The following TK2 variants were observed in gnomAD, a reference collection of about 807,000 sequenced individuals.
TK2 encodes the protein thymidine kinase 2, mitochondrial.
In TK2, 35 loss-of-function variants were observed where a neutral mutation model predicts 41.9. The observed-to-expected ratio is 0.84, with a 90% CI of 0.64 to 1.11. The LOEUF is 1.11. Among genes scored for constraint, TK2 ranks in the 50% least tolerant of loss-of-function variants. The probability of loss-of-function intolerance (pLI) is 0.00; values close to 1 mark genes in which losing one functional copy is unlikely to be tolerated. For synonymous variants in TK2, 128 were observed against 129.1 expected, an observed-to-expected ratio of 0.99 and a Z score of 0.06; for missense variants, 320 against 351.1, an observed-to-expected ratio of 0.91 and a Z score of 0.71.
At chr16:66,545,868 C>G (rs1965592414) in intron 2 of TK2, among the ~76,000 whole-genome samples, 1 of 151,674 alleles carries the variant, frequency 6.6e-6, no homozygotes, top group Non-Finnish European at 1.5e-5. Context: ...AAGCCAGATA[C>G]AAAAGATCCC....
chr16:66,539,286 C>T (rs1046756947), intron 3 of TK2, among the ~76,000 whole-genome samples: 1 of 151,966 alleles, frequency 6.6e-6, no homozygotes, highest in East Asian at 1.9e-4. Context: ...TGGATTACAC[C>T]GAAAGGACAC....
chr16:66,528,429 C>T (rs187328975), intron 6 of TK2, among the ~76,000 whole-genome samples: 1 of 152,328 alleles, frequency 6.6e-6, no homozygotes. Flanking sequence ...GCACACTGTG[C>T]GTCTGACTCG....
Position 66,517,255 on chromosome 16 carries a change from A to G in TK2, c.539-40T>C, listed in dbSNP as rs1964643210. 1.9e-6 allele frequency: 3 copies of G among 1,576,782 alleles called. No individual in the cohort carries two copies. The highest frequency in any genetic ancestry group is 1.3e-5 in the African/African-American group (1 of 74,290). On this transcript the variant is annotated intron_variant, in intron 7 of 9. Coordinates refer to ENST00000544898, the MANE Select transcript of TK2 (RefSeq NM_004614.5). This position sits in a 1 kb window ranked among gnomAD's most constrained non-coding sequence, Gnocchi z 4.3. ...ATACGTGGCTCTCAGGACTCTGCTC[A>G]TGGCTTGGAAGCAAAGCAGGCACAC...
In TK2 at chr16:66,517,755, G is replaced by T. The variant is rs371828929; in HGVS notation, c.538+34C>A. 6 of 1,601,688 alleles carry T rather than the reference G, an allele frequency of 3.7e-6. No individual in the cohort carries two copies. The highest frequency in any genetic ancestry group is 1.1e-5 in the South Asian group (1 of 90,804). On this transcript the variant is annotated intron_variant, in intron 7 of 9. Coordinates refer to ENST00000544898, the MANE Select transcript of TK2 (RefSeq NM_004614.5). This position sits in a 1 kb window ranked among gnomAD's most constrained non-coding sequence, Gnocchi z 4.3. Reference sequence around the variant, plus strand: ...ACATCCTCAAGGGACCCAGGAGAGAGACAAGAGAGGGAGGTGGGAGGGGTG... The same window carrying T: ...ACATCCTCAAGGGACCCAGGAGAGATACAAGAGAGGGAGGTGGGAGGGGTG...
In TK2 at chr16:66,517,058, TG is replaced by T; in HGVS notation, c.618+77del. 8.2e-7 allele frequency: 1 copy of T among 1,215,882 alleles called. No individual in the cohort carries two copies. Among genetic ancestry groups the T allele is most frequent in the Non-Finnish European group, 1.2e-6 (1 of 817,300 alleles). 75.3% of individuals were successfully genotyped at this position (1,215,882 alleles called of 1,614,324 possible). On this transcript the variant is annotated intron_variant, in intron 8 of 9. Transcript: ENST00000544898. The surrounding 1 kb of genome is among the most constrained non-coding windows in gnomAD (Gnocchi z 4.3). ...CAAGGGCACAATGATCTCATGGGGG[TG>T]GGGCCGGGAGAGGAAGCCGGGTTGG...
intron 6 of TK2, among the ~76,000 whole-genome samples, chr16:66,526,078 C>T (rs945003260): frequency 1.3e-5 from 2 of 152,000 alleles, no homozygotes; most frequent in East Asian, 3.9e-4. Context: ...TTACCAAAGC[C>T]CATGGCCATC....
At chr16:66,535,461 C>T (rs1170560229) in intron 4 of TK2, among the ~76,000 whole-genome samples, 2 of 152,116 alleles carry the variant, frequency 1.3e-5, no homozygotes, top group African/African-American at 4.8e-5. Context: ...TTGTTATATC[C>T]AAAGAAGATG....
rs1395459509 is a variant in TK2, at chr16:66,510,361, C to T, written c.*1607G>A. On this transcript the variant is annotated 3_prime_UTR_variant, in exon 10 of 10. Coordinates refer to ENST00000544898, the MANE Select transcript of TK2 (RefSeq NM_004614.5). The stretch of plus-strand genomic sequence containing the variant: ...TTCCTGGTAGCAAAGGTTCTGCCTT[C>T]GCCAGTTTTCCAGCTAATTAGCAGC... 6 of 152,224 alleles carry T rather than the reference C, an allele frequency of 3.9e-5. No individual in the cohort carries two copies. The highest frequency in any genetic ancestry group is 2.0e-4 in the Admixed American group (3 of 15,278). 9.4% of individuals were successfully genotyped at this position (152,224 alleles called of 1,614,324 possible).
In TK2 at chr16:66,517,135, C is replaced by T; in HGVS notation, c.618+1G>A. Reference sequence around the variant, plus strand: ...TTAACCAAGTCAAAGAGGCCTCTTACCAGCGGAATGACCTTCTCCTCTTCC... The same window carrying T: ...TTAACCAAGTCAAAGAGGCCTCTTATCAGCGGAATGACCTTCTCCTCTTCC... On this transcript the variant is annotated splice_donor_variant, in intron 8 of 9. Coordinates refer to ENST00000544898, the MANE Select transcript of TK2 (RefSeq NM_004614.5). LOFTEE classifies it high-confidence loss of function. The surrounding 1 kb of genome is among the most constrained non-coding windows in gnomAD (Gnocchi z 4.3). 5.6e-6 allele frequency: 9 copies of T among 1,614,066 alleles called. No homozygotes were observed. Among genetic ancestry groups the T allele is most frequent in the Non-Finnish European group, 7.6e-6 (9 of 1,179,964 alleles).
intron 3 of TK2, among the ~76,000 whole-genome samples, chr16:66,539,531 G>A (rs934860625): frequency 4.6e-5 from 7 of 150,728 alleles, no homozygotes; most frequent in African/African-American, 1.7e-4. Flanking sequence ...AACCCAGGAG[G>A]CGGAGGTTGC....
intron 4 of TK2, among the ~76,000 whole-genome samples, chr16:66,535,372 A>C (rs931193942): frequency 6.6e-6 from 1 of 152,202 alleles, no homozygotes; most frequent in Non-Finnish European, 1.5e-5. Flanking sequence ...TAACACCTGC[A>C]ACTCTAGCTG....
At chr16:66,544,115 C>T (rs959849803) in intron 2 of TK2, among the ~76,000 whole-genome samples, 38 of 152,244 alleles carry the variant, frequency 2.5e-4, no homozygotes, top group African/African-American at 8.9e-4. Context: ...CTCCCAGAAA[C>T]TTGTTCCTAT....
In TK2 at chr16:66,517,547, G is replaced by T. The variant is rs903770492; in HGVS notation, c.538+242C>A. 1.3e-5 allele frequency among the ~76,000 whole-genome samples: 2 copies of T among 152,204 alleles called. No individual in the cohort carries two copies. The highest frequency in any genetic ancestry group is 2.9e-5 in the Non-Finnish European group (2 of 68,038). ...ACCCATCAGATCACAGTGGATTTGG[G>T]TCTGAAAGTAGCTGAGCCAGGGAGG... On this transcript the variant is annotated intron_variant, in intron 7 of 9. Transcript: ENST00000544898. The surrounding 1 kb of genome is among the most constrained non-coding windows in gnomAD (Gnocchi z 4.3).
rs1213084609 is a variant in TK2 at position 66,549,188 on chromosome 16, C to A, written c.125-179G>T. ...GCACCACCGTCTCGCCGATGTGCCA[C>A]CCTGGGCTGCAGCTGCAGCTTCGTG... On this transcript the variant is annotated intron_variant, in intron 1 of 9. Coordinates refer to ENST00000544898, the MANE Select transcript of TK2 (RefSeq NM_004614.5). 5.5e-6 allele frequency: 8 copies of A among 1,464,072 alleles called. No individual in the cohort carries two copies. In the Admixed American group the frequency reaches 2.1e-4, roughly 39 times the overall value. 90.7% of individuals were successfully genotyped at this position (1,464,072 alleles called of 1,614,324 possible).
chr16:66,538,820 G>A (rs1965366472), intron 3 of TK2, among the ~76,000 whole-genome samples: 1 of 152,086 alleles, frequency 6.6e-6, no homozygotes, highest in African/African-American at 2.4e-5. Context: ...AAAGCTCTTC[G>A]TACCACAGAA....
chr16:66,537,032 A>G lies in TK2; in HGVS notation c.232-15T>C. The G allele has an allele frequency of 6.2e-7, 1 of 1,614,056 alleles. No homozygotes were observed. The highest frequency in any genetic ancestry group is 8.5e-7 in the Non-Finnish European group (1 of 1,179,974). ...TCCGTTAACACCTGGAAGGAAAGAA[A>G]ACATCAGAGCTACTGTTTCTCTGTG... is the stretch of plus-strand genomic sequence containing the variant. On this transcript the variant is annotated splice_polypyrimidine_tract_variant and intron_variant, in intron 3 of 9. Transcript: ENST00000544898.
intron 4 of TK2, among the ~76,000 whole-genome samples, chr16:66,532,206 G>A (rs1166365386): frequency 3.3e-5 from 5 of 149,820 alleles, no homozygotes; most frequent in Non-Finnish European, 5.9e-5. Context: ...TAATACCACA[G>A]GATACAAATC....
intron 1 of TK2, 163 bp from the exon 2 acceptor site, chr16:66,549,172 T>C (rs763279761): frequency 6.7e-7 from 1 of 1,486,614 alleles, no homozygotes; most frequent in Non-Finnish European, 8.9e-7. Context: ...CGCACCACCG[T>C]CTCGCCGATG....
chr16:66,530,692 G>T (rs1421238965), intron 5 of TK2, among the ~76,000 whole-genome samples: 1 of 151,888 alleles, frequency 6.6e-6, no homozygotes, highest in East Asian at 1.9e-4. Context: ...GCAGGTCTGG[G>T]ATGTGACTAG....
Sources: gnomAD v4.1 joint callset for allele counts (sites outside exome capture counted in the v4.1 genomes callset) on GRCh38, gnomAD v4.1.1 for gene constraint, Gnocchi (gnomAD v3.1) non-coding constraint, MANE v1.5 for transcripts, NCBI Gene and HGNC (gene_info 2026-07-23, HGNC 2026-07-21) for gene names.